Variants in CEP89 observed in about 807,000 individuals in gnomAD.
CEP89 encodes centrosomal protein 89.
A neutral mutation model predicts 97.6 loss-of-function variants in CEP89; 95 were observed. The ratio of observed to expected loss-of-function variants is 0.97; its 90% confidence interval spans 0.82 to 1.15. The LOEUF is 1.15. Among genes scored for constraint, CEP89 ranks in the 50% most tolerant of loss-of-function variants. The pLI is 0.00. For synonymous variants in CEP89, 354 were observed against 349.1 expected (o/e 1.01, Z -0.16); for missense variants, 869 against 947.7 (o/e 0.92, Z 1.09).
intron 16 of CEP89, 54 bp from the exon 17 acceptor site, chr19:32,887,895 CA>C: frequency 2.9e-6 from 3 of 1,049,556 alleles, no homozygotes; most frequent in Non-Finnish European, 4.4e-6. Flanking sequence ...ATTGAAATAA[CA>C]AACAATTATT....
rs1969312126 is a variant in CEP89, at chr19:32,882,816, T to G, written c.1966-803A>C. Among the ~76,000 whole-genome samples the G allele has an allele frequency of 2.0e-5, 3 of 152,330 alleles. No homozygotes were observed. The South Asian group carries it at 6.2e-4, about 32-fold the overall frequency. On this transcript the variant is annotated intron_variant, in intron 17 of 18. Transcript: ENST00000305768. ...CTATTTACTTTCCTTCTTTCGTTTTTACTGTATAGTACTGAAGGTTCTGAA... is the reference window on the plus strand; with the variant it reads ...CTATTTACTTTCCTTCTTTCGTTTTGACTGTATAGTACTGAAGGTTCTGAA...
At chr19:32,959,041 C>T in intron 3 of CEP89, among the ~76,000 whole-genome samples, 1 of 125,990 alleles carries the variant, frequency 7.9e-6, no homozygotes, top group East Asian at 2.5e-4. Flanking sequence ...ACAAAACAAA[C>T]AAAACAAAAA....
intron 2 of CEP89, among the ~76,000 whole-genome samples, chr19:32,964,762 C>T (rs1971245841): frequency 6.6e-6 from 1 of 152,110 alleles, no homozygotes; most frequent in Non-Finnish European, 1.5e-5. Flanking sequence ...TGGGGATGAA[C>T]AGGAGCATGA....
chr19:32,883,425 G>A lies in CEP89; in HGVS notation c.1966-1412C>T, dbSNP rs565872048. ...TCCCAGCACTTTGGAAAGTTGAGGC[G>A]GGCAGATCACCTGAGTTCAGGAGTT... On this transcript the variant is annotated intron_variant, in intron 17 of 18. Transcript: ENST00000305768. Among the ~76,000 whole-genome samples, 21 of 152,156 alleles carry A rather than the reference G, an allele frequency of 1.4e-4. 4 individuals are homozygous for A. The South Asian group carries it at 2.1e-3, about 15-fold the overall frequency.
In CEP89 at chr19:32,936,667, GT is replaced by G. The variant is rs1970587216; in HGVS notation, c.667+963del. On this transcript the variant is annotated intron_variant, in intron 7 of 18. Transcript: ENST00000305768. This position sits in a 1 kb window ranked among gnomAD's most constrained non-coding sequence, Gnocchi z 4.5. ...ATGAGATGACCAGCTGCAGAGAGGA[GT>G]TCCCCTCTCTGCTGATAGCTGGAGA... Among the ~76,000 whole-genome samples, 1 of 152,110 alleles carries G rather than the reference GT, an allele frequency of 6.6e-6. No individual in the cohort carries two copies. Among genetic ancestry groups the G allele is most frequent in the Admixed American group, 6.5e-5 (1 of 15,282 alleles).
chr19:32,926,655 G>A (rs557500359), intron 10 of CEP89, among the ~76,000 whole-genome samples: 9 of 152,256 alleles, frequency 5.9e-5, no homozygotes, highest in African/African-American at 1.9e-4. Flanking sequence ...TAAACCTCCC[G>A]GGTTCAAGCG....
Position 32,892,689 on chromosome 19 carries a change from A to C in CEP89, c.1876-4848T>G, listed in dbSNP as rs537258094. ...AAAGGGCTAAAAGAAAAAAAAAAAA[A>C]AAAAACCTGTCAGCCAGCCAAGAAT... On this transcript the variant is annotated intron_variant, in intron 16 of 18. Transcript: ENST00000305768. Among the ~76,000 whole-genome samples the C allele has an allele frequency of 3.4e-3, 522 of 151,890 alleles. 1 individual carries two copies. The highest frequency in any genetic ancestry group is 0.012 in the African/African-American group (485 of 41,454).
intron 14 of CEP89, among the ~76,000 whole-genome samples, chr19:32,913,341 T>A (rs1970053056): frequency 6.9e-6 from 1 of 144,548 alleles, no homozygotes; most frequent in Admixed American, 7.1e-5. Flanking sequence ...GTTGTTGTTG[T>A]TTCACAATGT....
At chr19:32,882,415 T>C (rs1969303307) in intron 17 of CEP89, among the ~76,000 whole-genome samples, 1 of 151,768 alleles carries the variant, frequency 6.6e-6, no homozygotes, top group African/African-American at 2.4e-5. Flanking sequence ...ATACAAAAAT[T>C]AGCCAGGCGT....
chr19:32,918,878 C>CTTTTCTTTTTTTTTTTTTTT (rs1568559832), intron 12 of CEP89, among the ~76,000 whole-genome samples: 2 of 110,844 alleles, frequency 1.8e-5, no homozygotes, highest in African/African-American at 3.5e-5. Context: ...TTTTCTTTTT[C>CTTTTCTTTTTTTTTTTTTTT]TTTTTCTTTT....
intron 18 of CEP89, among the ~76,000 whole-genome samples, chr19:32,881,365 A>G (rs550384490): frequency 1.3e-5 from 2 of 152,146 alleles, no homozygotes; most frequent in African/African-American, 4.8e-5. Flanking sequence ...AAAAATTAAT[A>G]AAATCTCTCA....
At chr19:32,895,718 A>T (rs1306280083) in intron 16 of CEP89, among the ~76,000 whole-genome samples, 2 of 151,354 alleles carry the variant, frequency 1.3e-5, no homozygotes, top group Non-Finnish European at 2.9e-5. Context: ...TTTAGAAAAA[A>T]CTAGACTTCA....
chr19:32,896,886 G>C (rs1969655218), intron 16 of CEP89, among the ~76,000 whole-genome samples: 2 of 150,940 alleles, frequency 1.3e-5, no homozygotes, highest in African/African-American at 4.9e-5. Context: ...CCCAAAAGCA[G>C]ACATACAAAT....
Position 32,926,948 on chromosome 19 carries a change from T to C in CEP89, c.1066A>G (p.Ile356Val). Residue 356 changes from isoleucine to valine, a missense_variant, in exon 10 of 19, where the codon ATA (isoleucine) becomes GTA (valine). Transcript: ENST00000305768. ...NIEGLPSKGP[I>V]PPWLLDIKYL... ...CTTTCACTTACCAACCAGGGTGGTATAGGGCCCTTGGATGGGAGGCCTTCA... is the reference window on the plus strand; with the variant it reads ...CTTTCACTTACCAACCAGGGTGGTACAGGGCCCTTGGATGGGAGGCCTTCA... 6.2e-7 allele frequency: 1 copy of C among 1,613,784 alleles called. No individual in the cohort carries two copies. The highest frequency in any genetic ancestry group is 8.5e-7 in the Non-Finnish European group (1 of 1,179,722).
At chr19:32,912,103 T>C (rs1369101247) in intron 14 of CEP89, among the ~76,000 whole-genome samples, 2 of 150,792 alleles carry the variant, frequency 1.3e-5, no homozygotes, top group African/African-American at 4.9e-5. Context: ...TGAGTGGGGC[T>C]GAGGCATGAG....
intron 4 of CEP89, among the ~76,000 whole-genome samples, chr19:32,951,534 T>TATATATATATACACACAC (rs1407110112): frequency 4.1e-5 from 5 of 122,042 alleles, no homozygotes; most frequent in African/African-American, 1.4e-4. Context: ...TATATATATA[T>TATATATATATACACACAC]ACACACACAC....
intron 14 of CEP89, among the ~76,000 whole-genome samples, 181 bp from the exon 15 acceptor site, chr19:32,901,593 T>C (rs1969772406): frequency 6.6e-6 from 1 of 151,896 alleles, no homozygotes; most frequent in South Asian, 2.1e-4. Context: ...ACCAAGCTGC[T>C]AGACCACCGG....
intron 16 of CEP89, among the ~76,000 whole-genome samples, chr19:32,898,458 A>G (rs1054865352): frequency 7.2e-5 from 11 of 152,204 alleles, no homozygotes; most frequent in African/African-American, 2.7e-4. Context: ...AGGTATAAGC[A>G]TACAGTTAGA....
intron 3 of CEP89, among the ~76,000 whole-genome samples, chr19:32,955,090 TCCTCCTA>T (rs1459882937): frequency 1.3e-5 from 2 of 152,234 alleles, no homozygotes; most frequent in Non-Finnish European, 2.9e-5. Context: ...GCTCAAGTGA[TCCTCCTA>T]CCTCAGCCTC....
Sources: gnomAD v4.1 joint callset for allele counts (sites outside exome capture counted in the v4.1 genomes callset) on GRCh38, gnomAD v4.1.1 for gene constraint, Gnocchi (gnomAD v3.1) non-coding constraint, MANE v1.5 for transcripts, NCBI Gene and HGNC (gene_info 2026-07-23, HGNC 2026-07-21) for gene names.